TRMT9B: variants seen among roughly 807,000 people sequenced by gnomAD.
TRMT9B encodes tRNA methyltransferase 9B (putative).
A neutral mutation model predicts 11.5 loss-of-function variants in TRMT9B; 16 were observed. That is an observed-to-expected ratio of 1.39 (90% CI 0.94 to 2.11). The LOEUF (loss-of-function observed/expected upper bound fraction) is 2.11. Ranked by LOEUF, TRMT9B falls within the 30% of genes most tolerant of loss-of-function variation. The probability of loss-of-function intolerance (pLI) is 0.00; values close to 1 mark genes in which losing one functional copy is unlikely to be tolerated. For synonymous variants in TRMT9B, 274 were observed against 192.4 expected, an observed-to-expected ratio of 1.42 and a Z score of -3.51; for missense variants, 941 against 553.8, an observed-to-expected ratio of 1.70 and a Z score of -7.02.
rs1217352254 is a variant in TRMT9B, at chr8:13,021,453, A to G, written c.774A>G (p.Glu258=). 3 of 1,614,028 alleles carry G rather than the reference A, an allele frequency of 1.9e-6. No individual in the cohort carries two copies. Among genetic ancestry groups the G allele is most frequent in the Non-Finnish European group, 1.7e-6 (2 of 1,179,878 alleles). The change falls in exon 5 of 5, where the codon GAA becomes GAG. Residue 258 remains glutamate, a synonymous_variant. Transcript: ENST00000524591. ...GGTTTTTCTCCAGATCTTTGGATGA[A>G]TCGACTCTGAGGAAGCAAATTGAAA... ...RSWFFSRSLD[E]STLRKQIERV... is the part of the protein sequence containing the mutation.
chr8:12,975,656 T>C (rs1302807708), intron 1 of TRMT9B, among the ~76,000 whole-genome samples: 1 of 152,150 alleles, frequency 6.6e-6, no homozygotes, highest in African/African-American at 2.4e-5. Context: ...GAGAATCCTT[T>C]GAACCCGTGA....
Position 13,021,930 on chromosome 8 carries a change from A to T in TRMT9B, c.1251A>T (p.Glu417Asp). 6.2e-7 allele frequency: 1 copy of T among 1,613,790 alleles called. No individual in the cohort carries two copies. The highest frequency in any genetic ancestry group is 8.5e-7 in the Non-Finnish European group (1 of 1,179,864). Residue 417 changes from glutamate to aspartate, a missense_variant, in exon 5 of 5, where the codon GAA becomes GAT. Transcript: ENST00000524591. ...TGCGCTACTACCATGTGTTTCGAGA[A>T]GGGGAGCTCTGCAGTCTGCTCAAGG... ...AFMRYYHVFREGELCSLLKEN... is the reference protein window; with the variant it reads ...AFMRYYHVFRDGELCSLLKEN...
rs374373118 is a variant in TRMT9B, at chr8:12,996,648, T to G, written c.-2+5617T>G. Among the ~76,000 whole-genome samples, 6 of 152,316 alleles carry G rather than the reference T, an allele frequency of 3.9e-5. No homozygotes were observed. In the East Asian group the frequency reaches 7.7e-4, roughly 20 times the overall value. On this transcript the variant is annotated intron_variant, in intron 2 of 4. Coordinates refer to ENST00000524591, the MANE Select transcript of TRMT9B (RefSeq NM_020844.3). Reference sequence around the variant, plus strand: ...GAGGATACTCTGCTCAGTTTTAAGTTCTAACATGGTTTAAAGTACATAACA... The same window carrying G: ...GAGGATACTCTGCTCAGTTTTAAGTGCTAACATGGTTTAAAGTACATAACA...
Position 13,023,840 on chromosome 8 carries a change from C to T in TRMT9B, c.*1796C>T, listed in dbSNP as rs923382083. The T allele has an allele frequency of 6.0e-6, 1 of 166,604 alleles. No homozygotes were observed. The highest frequency in any genetic ancestry group is 2.4e-5 in the African/African-American group (1 of 41,372). 10.3% of individuals were successfully genotyped at this position (166,604 alleles called of 1,614,324 possible). On this transcript the variant is annotated 3_prime_UTR_variant, in exon 5 of 5. Coordinates refer to ENST00000524591, the MANE Select transcript of TRMT9B (RefSeq NM_020844.3). ...CAAACTTAAAGAAATATTTTTAAAG[C>T]GTATCTGAAAACGATTGATGTTTAT...
At chr8:12,957,950 C>T (rs1393402044) in intron 1 of TRMT9B, among the ~76,000 whole-genome samples, 1 of 152,058 alleles carries the variant, frequency 6.6e-6, no homozygotes, top group Non-Finnish European at 1.5e-5. Context: ...ACTCCCCATC[C>T]CTCCTCCTCA....
At chr8:12,996,418 T>C (rs1367292132) in intron 2 of TRMT9B, among the ~76,000 whole-genome samples, 1 of 152,250 alleles carries the variant, frequency 6.6e-6, no homozygotes, top group Non-Finnish European at 1.5e-5. Context: ...TCATTTAAGT[T>C]ACTTATTTCT....
intron 1 of TRMT9B, among the ~76,000 whole-genome samples, chr8:12,974,605 T>C (rs144550571): frequency 2.4e-4 from 37 of 151,968 alleles, no homozygotes; most frequent in African/African-American, 8.9e-4. Flanking sequence ...ATGTTTCAAG[T>C]GGCGATGAAG....
At chr8:13,008,039 T>C (rs1810825967) in intron 3 of TRMT9B, among the ~76,000 whole-genome samples, 2 of 152,206 alleles carry the variant, frequency 1.3e-5, no homozygotes, top group South Asian at 2.1e-4. Flanking sequence ...TACTGAATCA[T>C]TGTTTTTAGG....
Position 13,022,099 on chromosome 8 carries a change from T to G in TRMT9B, c.*55T>G. The G allele has an allele frequency of 7.9e-7, 1 of 1,261,980 alleles. No individual in the cohort carries two copies. Among genetic ancestry groups the G allele is most frequent in the South Asian group, 1.5e-5 (1 of 65,000 alleles). The allele number at this position is 1,261,980 out of a possible 1,614,324, so 78.2% of individuals were successfully genotyped here. On this transcript the variant is annotated 3_prime_UTR_variant, in exon 5 of 5. Coordinates refer to ENST00000524591, the MANE Select transcript of TRMT9B (RefSeq NM_020844.3). ...GATGAACCACATTCTTTCCTCTTGG[T>G]TTGATATGGTTACCTGAATTTGCAT...
At chr8:13,016,838 A>G (rs1812802642) in intron 4 of TRMT9B, among the ~76,000 whole-genome samples, 2 of 149,130 alleles carry the variant, frequency 1.3e-5, no homozygotes, top group Admixed American at 6.9e-5. Context: ...ATGTACGTGT[A>G]ATATCATCTA....
chr8:13,008,930 G>A (rs893437218), intron 3 of TRMT9B, among the ~76,000 whole-genome samples: 1 of 152,166 alleles, frequency 6.6e-6, no homozygotes, highest in Non-Finnish European at 1.5e-5. Flanking sequence ...GAGTTTCACC[G>A]TGTTAGCCAG....
chr8:13,024,897 C>A lies in TRMT9B; in HGVS notation c.*2853C>A, dbSNP rs964579441. 6.0e-6 allele frequency: 1 copy of A among 166,866 alleles called. No homozygotes were observed. Among genetic ancestry groups the A allele is most frequent in the Non-Finnish European group, 1.5e-5 (1 of 68,102 alleles). The allele number at this position is 166,866 out of a possible 1,614,324, so 10.3% of individuals were successfully genotyped here. On this transcript the variant is annotated 3_prime_UTR_variant, in exon 5 of 5. Coordinates refer to ENST00000524591, the MANE Select transcript of TRMT9B (RefSeq NM_020844.3). The stretch of plus-strand genomic sequence containing the variant: ...AAAGCTCTTTTAAATTTAACTTCCG[C>A]CTTTGGATTTTTTTTAAAAAGCCAT...
At chr8:13,009,288 C>A (rs2946513) in intron 3 of TRMT9B, among the ~76,000 whole-genome samples, 3 of 151,386 alleles carry the variant, frequency 2.0e-5, no homozygotes, top group Non-Finnish European at 4.4e-5. Flanking sequence ...AATGGTAAGA[C>A]GTTGGTTAAA....
chr8:12,952,082 A>T (rs1469311401), intron 1 of TRMT9B: 1 of 390,156 alleles, frequency 2.6e-6, no homozygotes. Context: ...TGGAAGTTAC[A>T]CCTGGTGCAG....
intron 1 of TRMT9B, chr8:12,952,187 G>T (rs911572436): frequency 4.4e-6 from 2 of 455,076 alleles, no homozygotes; most frequent in African/African-American, 2.0e-5. Context: ...TCGCCACACC[G>T]TGCGGAAAGC....
chr8:12,985,592 G>A (rs1806162403), intron 1 of TRMT9B, among the ~76,000 whole-genome samples: 1 of 152,162 alleles, frequency 6.6e-6, no homozygotes, highest in Non-Finnish European at 1.5e-5. Context: ...CTTTGAGACA[G>A]TACGGACCAC....
intron 1 of TRMT9B, among the ~76,000 whole-genome samples, chr8:12,978,337 C>A (rs1804776916): frequency 6.6e-6 from 1 of 152,160 alleles, no homozygotes; most frequent in Middle Eastern, 3.2e-3. Context: ...TGTTTCCTGG[C>A]AGTCAGCTCC....
rs925750495 is a variant in TRMT9B at position 12,991,001 on chromosome 8, G to A, written c.-32G>A. 7.8e-6 allele frequency: 10 copies of A among 1,277,256 alleles called. No individual in the cohort carries two copies. The African/African-American group carries it at 1.4e-4, about 18-fold the overall frequency. The allele number at this position is 1,277,256 out of a possible 1,614,324, so 79.1% of individuals were successfully genotyped here. ...CTGCCGTGATTCACAAAGACAAGAG[G>A]TAATTTTCCTGTAATCACAGGATGA... On this transcript the variant is annotated 5_prime_UTR_variant, in exon 2 of 5. Transcript: ENST00000524591.
Position 13,028,236 on chromosome 8 carries a change from A to G in TRMT9B, c.*6192A>G, listed in dbSNP as rs544082561. 1 of 167,164 alleles carries G rather than the reference A, an allele frequency of 6.0e-6. No individual in the cohort carries two copies. The highest frequency in any genetic ancestry group is 2.1e-4 in the South Asian group (1 of 4,824). The allele number at this position is 167,164 out of a possible 1,614,324, so 10.4% of individuals were successfully genotyped here. On this transcript the variant is annotated 3_prime_UTR_variant, in exon 5 of 5. Transcript: ENST00000524591. ...TAATCAATGACTTTATTTGGGAGGG[A>G]TTGGAGCTATAGAATAATCTATCTT... is the stretch of plus-strand genomic sequence containing the variant.
Sources: allele counts gnomAD v4.1 joint callset (sites outside exome capture counted in the v4.1 genomes callset), GRCh38; gene constraint gnomAD v4.1.1; transcripts MANE v1.5; gene names NCBI Gene and HGNC (gene_info 2026-07-23, HGNC 2026-07-21).